Variants in GPC6 observed in about 807,000 individuals in gnomAD.
GPC6 encodes glypican-6.
In GPC6, 14 loss-of-function variants were observed where a neutral mutation model predicts 55.2. The observed-to-expected ratio is 0.25, with a 90% CI of 0.17 to 0.40. The LOEUF (loss-of-function observed/expected upper bound fraction) is 0.40, where lower values mean the gene tolerates loss of function less well. GPC6 is among the 10% of genes least tolerant of loss of function. GPC6 has a pLI of 1.00. For missense variants in GPC6, 641 were observed against 708.5 expected (o/e 0.90, Z 1.08); for synonymous variants, 278 against 259.6 (o/e 1.07, Z -0.68).
chr13:93,996,482 GA>G (rs1434222452), intron 3 of GPC6, among the ~76,000 whole-genome samples: 1 of 151,848 alleles, frequency 6.6e-6, no homozygotes, highest in Non-Finnish European at 1.5e-5. Context: ...TTCTAACATT[GA>G]GGCTTCGAGT....
intron 4 of GPC6, among the ~76,000 whole-genome samples, chr13:94,234,029 T>C (rs191118382): frequency 6.6e-6 from 1 of 152,100 alleles, no homozygotes; most frequent in East Asian, 1.9e-4. Context: ...GTATGAGAAA[T>C]AGTCAGGGCG....
intron 4 of GPC6, among the ~76,000 whole-genome samples, chr13:94,203,936 C>T (rs777345963): frequency 4.6e-5 from 7 of 152,012 alleles, no homozygotes; most frequent in Non-Finnish European, 8.8e-5. Context: ...GTATCTGGAA[C>T]CAGAGATGGG....
At chr13:93,901,761 C>T (rs192172699) in intron 3 of GPC6, among the ~76,000 whole-genome samples, 9 of 151,752 alleles carry the variant, frequency 5.9e-5, no homozygotes, top group South Asian at 4.2e-4. Flanking sequence ...AGTAGCCGGG[C>T]GTGGTAGTGC....
chr13:94,348,233 G>T (rs1258317715), intron 6 of GPC6, among the ~76,000 whole-genome samples: 1 of 152,178 alleles, frequency 6.6e-6, no homozygotes, highest in Non-Finnish European at 1.5e-5. Context: ...ATACTCTTAT[G>T]GAGTAATGTC....
At chr13:93,427,847 A>G (rs1877205631) in intron 1 of GPC6, among the ~76,000 whole-genome samples, 7 of 152,180 alleles carry the variant, frequency 4.6e-5, no homozygotes. Context: ...TCATGTTTGC[A>G]TTCCACATGT....
chr13:93,998,049 G>A (rs1881634694), intron 3 of GPC6, among the ~76,000 whole-genome samples: 1 of 152,182 alleles, frequency 6.6e-6, no homozygotes, highest in Non-Finnish European at 1.5e-5. Context: ...GGCCACAAAT[G>A]TTGAAGAGAA....
At chr13:93,570,126 T>G (rs1876332694) in intron 2 of GPC6, among the ~76,000 whole-genome samples, 1 of 152,154 alleles carries the variant, frequency 6.6e-6, no homozygotes, top group Non-Finnish European at 1.5e-5. Context: ...TAAGTTTCCA[T>G]TGTACTTCAG....
intron 1 of GPC6, among the ~76,000 whole-genome samples, chr13:93,382,979 C>A (rs1329082847): frequency 6.6e-6 from 1 of 151,990 alleles, no homozygotes; most frequent in Non-Finnish European, 1.5e-5. Flanking sequence ...AAAGTTGGTA[C>A]CATATTTCCA....
At chr13:94,336,887 G>A (rs1317921305) in intron 6 of GPC6, among the ~76,000 whole-genome samples, 1 of 152,126 alleles carries the variant, frequency 6.6e-6, no homozygotes, top group Non-Finnish European at 1.5e-5. Context: ...AATAAATCCA[G>A]AGTGTGAATA....
At position 94,094,877 on chromosome 13, in the gene GPC6, GAC is replaced by G. The variant is rs140769504; in HGVS notation, c.877+66989_877+66990del. ...GCTAAATTTAGCAAATAAAATACAG[GAC>G]ACACAGTCAAATTTAAATTTCAGTT... On this transcript the variant is annotated intron_variant, in intron 4 of 8. Transcript: ENST00000377047. Among the ~76,000 whole-genome samples, 1,264 of 152,080 alleles carry G rather than the reference GAC, an allele frequency of 8.3e-3. 21 individuals are homozygous for G. Among genetic ancestry groups the G allele is most frequent in the African/African-American group, 0.029 (1,203 of 41,492 alleles).
intron 1 of GPC6, among the ~76,000 whole-genome samples, chr13:93,263,125 G>A (rs776294273): frequency 5.3e-5 from 8 of 152,104 alleles, no homozygotes; most frequent in Non-Finnish European, 1.2e-4. Flanking sequence ...TGGCACTGGT[G>A]GGTGTGTGAT....
At chr13:93,492,012 T>G (rs1280420492) in intron 1 of GPC6, among the ~76,000 whole-genome samples, 1 of 140,208 alleles carries the variant, frequency 7.1e-6, no homozygotes, top group Non-Finnish European at 1.5e-5. Context: ...GGTCTCTTTT[T>G]TGGTTCCATA....
chr13:93,654,930 G>A (rs1325188612), intron 2 of GPC6, among the ~76,000 whole-genome samples: 4 of 149,474 alleles, frequency 2.7e-5, no homozygotes, highest in African/African-American at 7.4e-5. Flanking sequence ...TCCGCCTCCC[G>A]GGTTCACGCC....
intron 2 of GPC6, among the ~76,000 whole-genome samples, chr13:93,569,464 G>A (rs1361927542): frequency 6.6e-6 from 1 of 151,604 alleles, no homozygotes; most frequent in Non-Finnish European, 1.5e-5. Flanking sequence ...TTCTTGATCT[G>A]ATCACTGATA....
intron 2 of GPC6, among the ~76,000 whole-genome samples, chr13:93,601,865 T>A (rs1023327926): frequency 1.3e-5 from 2 of 152,260 alleles, no homozygotes; most frequent in Non-Finnish European, 2.9e-5. Flanking sequence ...AAACTGTATT[T>A]TAAAAATCGT....
intron 4 of GPC6, among the ~76,000 whole-genome samples, chr13:94,050,388 T>G (rs1281549401): frequency 6.6e-6 from 1 of 152,182 alleles, no homozygotes; most frequent in Non-Finnish European, 1.5e-5. Flanking sequence ...GGGTGTGTTT[T>G]GAAAACTCTA....
chr13:93,263,119 A>G (rs909492218), intron 1 of GPC6, among the ~76,000 whole-genome samples: 2 of 152,150 alleles, frequency 1.3e-5, no homozygotes, highest in African/African-American at 4.8e-5. Context: ...CTGTCATGGC[A>G]CTGGTGGGTG....
At chr13:93,811,349 T>A (rs1432853902) in intron 2 of GPC6, among the ~76,000 whole-genome samples, 1 of 152,078 alleles carries the variant, frequency 6.6e-6, no homozygotes, top group Non-Finnish European at 1.5e-5. Flanking sequence ...TTTGACAGAG[T>A]GATTGATCTT....
In GPC6 at chr13:93,796,827, CAAG is replaced by C. The variant is rs902510504; in HGVS notation, c.320-33322_320-33320del. Among the ~76,000 whole-genome samples the C allele has an allele frequency of 5.9e-5, 7 of 118,184 alleles. No individual in the cohort carries two copies. The East Asian group carries it at 9.3e-4, about 16-fold the overall frequency. The allele number at this position is 118,184 out of a possible 152,430, so 77.5% of individuals were successfully genotyped here. Reference sequence around the variant, plus strand: ...TGATTTGCCTCTGGCTTGGCCATTCCAAGAAGAGCTTAAGCTTTTTCATCTTAA... The same window carrying C: ...TGATTTGCCTCTGGCTTGGCCATTCCAAGAGCTTAAGCTTTTTCATCTTAA... On this transcript the variant is annotated intron_variant, in intron 2 of 8. Transcript: ENST00000377047.
Sources: allele counts gnomAD v4.1 joint callset (sites outside exome capture counted in the v4.1 genomes callset), GRCh38; gene constraint gnomAD v4.1.1; transcripts MANE v1.5; gene names NCBI Gene and HGNC (gene_info 2026-07-23, HGNC 2026-07-21).